Variants in AGAP1 observed in about 807,000 individuals in gnomAD.
AGAP1 encodes the protein ArfGAP with GTPase domain, ankyrin repeat and PH domain 1.
In AGAP1, 29 loss-of-function variants were observed where a neutral mutation model predicts 105.3. The ratio of observed to expected loss-of-function variants is 0.28; its 90% CI spans 0.21 to 0.38. AGAP1 has a LOEUF of 0.38. Ranked by LOEUF, AGAP1 falls within the 10% of genes least tolerant of loss-of-function variation. AGAP1 has a pLI of 1.00. For missense variants in AGAP1, 998 were observed against 1,165.1 expected, an observed-to-expected ratio of 0.86 and a Z score of 2.09; for synonymous variants, 509 against 485.9, an observed-to-expected ratio of 1.05 and a Z score of -0.63.
In AGAP1 at chr2:236,128,678, G is replaced by C. The variant is rs1303494936; in HGVS notation, c.*4556G>C. On this transcript the variant is annotated 3_prime_UTR_variant, in exon 18 of 18. Coordinates refer to ENST00000304032, the MANE Select transcript of AGAP1 (RefSeq NM_001037131.3). The surrounding 1 kb of genome is among the most constrained non-coding windows in gnomAD (Gnocchi z 5.9). Reference sequence around the variant, plus strand: ...CACCAACTCTCCCTCCCTGCACTTAGGATGTTCTGGAAATGAGAGGAAATC... The same window carrying C: ...CACCAACTCTCCCTCCCTGCACTTACGATGTTCTGGAAATGAGAGGAAATC... The C allele has an allele frequency of 6.6e-6, 1 of 152,206 alleles. No homozygotes were observed. The highest frequency in any genetic ancestry group is 1.9e-4 in the East Asian group (1 of 5,188). 9.4% of individuals were successfully genotyped at this position (152,206 alleles called of 1,614,324 possible). A position where few individuals can be genotyped will look rare whatever the true frequency, so the allele number is the denominator to read the frequency against.
Position 235,988,348 on chromosome 2 carries a change from C to A in AGAP1, c.1645+19725C>A, listed in dbSNP as rs2055411300. Among the ~76,000 whole-genome samples, 1 of 152,136 alleles carries A rather than the reference C, an allele frequency of 6.6e-6. No individual in the cohort carries two copies. The highest frequency in any genetic ancestry group is 2.1e-4 in the South Asian group (1 of 4,814). ...GTGAGCCACCGTGCCTGGCCTAAAA[C>A]TCCTTTTGATTGGTGCGTGGGTGAC... On this transcript the variant is annotated intron_variant, in intron 13 of 17. Coordinates refer to ENST00000304032, the MANE Select transcript of AGAP1 (RefSeq NM_001037131.3). This position sits in a 1 kb window ranked among gnomAD's most constrained non-coding sequence, Gnocchi z 4.7.
intron 3 of AGAP1, among the ~76,000 whole-genome samples, chr2:235,735,365 A>G (rs1477878949): frequency 2.0e-5 from 3 of 152,176 alleles, no homozygotes; most frequent in African/African-American, 4.8e-5. Context: ...AAATGACAGC[A>G]TAGATGATCT....
chr2:235,709,565 C>T (rs112422769), intron 2 of AGAP1, among the ~76,000 whole-genome samples: 1 of 151,324 alleles, frequency 6.6e-6, no homozygotes, highest in Non-Finnish European at 1.5e-5. Flanking sequence ...GTTGATTTGT[C>T]CTTTGCAGGA....
Position 235,714,346 on chromosome 2 carries a change from T to G in AGAP1, c.223-3211T>G, listed in dbSNP as rs914437672. On this transcript the variant is annotated intron_variant, in intron 2 of 17. Coordinates refer to ENST00000304032, the MANE Select transcript of AGAP1 (RefSeq NM_001037131.3). The surrounding 1 kb of genome is among the most constrained non-coding windows in gnomAD (Gnocchi z 4.1). ...TTAGGTTTCAACATATGAGTTTGGC[T>G]GGGAGTGTGGGGGTAGGACGGGGAA... is the stretch of plus-strand genomic sequence containing the variant. Among the ~76,000 whole-genome samples the G allele has an allele frequency of 2.6e-5, 4 of 151,912 alleles. No individual in the cohort carries two copies. Among genetic ancestry groups the G allele is most frequent in the African/African-American group, 7.3e-5 (3 of 41,342 alleles).
At chr2:235,969,527 A>G (rs2054553462) in intron 13 of AGAP1, among the ~76,000 whole-genome samples, 1 of 152,152 alleles carries the variant, frequency 6.6e-6, no homozygotes, top group Non-Finnish European at 1.5e-5. Context: ...CAGGGGCAAC[A>G]TTTATGGCTT....
At chr2:235,779,044 A>G (rs536747642) in intron 6 of AGAP1, among the ~76,000 whole-genome samples, 1 of 152,234 alleles carries the variant, frequency 6.6e-6, no homozygotes, top group Non-Finnish European at 1.5e-5. Flanking sequence ...CTTGGTAAAG[A>G]TCATGCAGGT....
At position 236,000,524 on chromosome 2, in the gene AGAP1, C is replaced by A. The variant is rs188555365; in HGVS notation, c.1645+31901C>A. The stretch of plus-strand genomic sequence containing the variant: ...TGAGCGTTGATGGTGGGGTGTGCAT[C>A]CCCCACCCCCCAAGCCTGTTCCTAG... On this transcript the variant is annotated intron_variant, in intron 13 of 17. Transcript: ENST00000304032. This position sits in a 1 kb window ranked among gnomAD's most constrained non-coding sequence, Gnocchi z 4.3. Among the ~76,000 whole-genome samples the A allele has an allele frequency of 1.7e-3, 257 of 152,238 alleles. 1 individual carries two copies. Among genetic ancestry groups the A allele is most frequent in the African/African-American group, 5.9e-3 (247 of 41,552 alleles).
rs939341792 is a variant in AGAP1 at position 235,744,238 on chromosome 2, G to A, written c.397-460G>A. Among the ~76,000 whole-genome samples the A allele has an allele frequency of 1.3e-5, 2 of 152,188 alleles. No homozygotes were observed. Among genetic ancestry groups the A allele is most frequent in the African/African-American group, 4.8e-5 (2 of 41,450 alleles). On this transcript the variant is annotated intron_variant, in intron 4 of 17. Transcript: ENST00000304032. The surrounding 1 kb of genome is among the most constrained non-coding windows in gnomAD (Gnocchi z 5.2). Reference sequence around the variant, plus strand: ...TGCGGTAGCGAGTGGGAAGGACTGAGGGGTGGGGAGGTTCTGAGCAGGCAT... The same window carrying A: ...TGCGGTAGCGAGTGGGAAGGACTGAAGGGTGGGGAGGTTCTGAGCAGGCAT...
At chr2:236,048,861 C>T (rs1294929397) in intron 15 of AGAP1, among the ~76,000 whole-genome samples, 198 bp from the exon 16 acceptor site, 1 of 152,246 alleles carries the variant, frequency 6.6e-6, no homozygotes, top group Non-Finnish European at 1.5e-5. Context: ...CAAATGTGTT[C>T]TGAAGCTACT....
Position 235,716,667 on chromosome 2 carries a change from G to A in AGAP1, c.223-890G>A, listed in dbSNP as rs1951122407. ...GGGAGGAAAAGGTTAAAATGCAGGA[G>A]ATTTTTGATGAGCAGCTTCCCAGAG... On this transcript the variant is annotated intron_variant, in intron 2 of 17. Transcript: ENST00000304032. The surrounding 1 kb of genome is among the most constrained non-coding windows in gnomAD (Gnocchi z 4.0). Among the ~76,000 whole-genome samples the A allele has an allele frequency of 6.6e-6, 1 of 152,102 alleles. No homozygotes were observed. The highest frequency in any genetic ancestry group is 1.5e-5 in the Non-Finnish European group (1 of 68,010).
At chr2:236,007,775 C>A (rs1004321031) in intron 13 of AGAP1, among the ~76,000 whole-genome samples, 4 of 152,246 alleles carry the variant, frequency 2.6e-5, no homozygotes, top group Non-Finnish European at 4.4e-5. Context: ...AAGGTGGCCC[C>A]TGCTCACCAG....
intron 13 of AGAP1, among the ~76,000 whole-genome samples, chr2:235,974,229 ACT>A (rs547739136): frequency 5.6e-4 from 85 of 152,256 alleles, no homozygotes; most frequent in Middle Eastern, 3.4e-3. Context: ...TCTGCCTCAA[ACT>A]CTTTCCACCA....
chr2:235,494,690 A>G lies in AGAP1; in HGVS notation c.4A>G (p.Asn2Asp). The change falls in exon 1 of 18, where the codon AAC becomes GAC. Residue 2 changes from asparagine to aspartate, a missense_variant. Transcript: ENST00000304032. M[N>D]YQQQLANSAA... ...CTCCGGGCGCGGCGCCTGCACCATG[A>G]ACTACCAGCAGCAGCTGGCCAACTC... 1 of 1,505,858 alleles carries G rather than the reference A, an allele frequency of 6.6e-7. No individual in the cohort carries two copies. Among genetic ancestry groups the G allele is most frequent in the Non-Finnish European group, 8.9e-7 (1 of 1,122,408 alleles). The allele number at this position is 1,505,858 out of a possible 1,614,324, so 93.3% of individuals were successfully genotyped here. A position where few individuals can be genotyped will look rare whatever the true frequency, so the allele number is the denominator to read the frequency against.
chr2:235,757,729 G>C (rs542995373), intron 6 of AGAP1, among the ~76,000 whole-genome samples: 2 of 152,112 alleles, frequency 1.3e-5, no homozygotes, highest in African/African-American at 4.8e-5. Flanking sequence ...AGGGAGCCTC[G>C]GTGTGCTCTT....
Position 235,741,766 on chromosome 2 carries a change from T to A in AGAP1, c.396+718T>A, listed in dbSNP as rs1403079293. 1.3e-5 allele frequency among the ~76,000 whole-genome samples: 2 copies of A among 151,292 alleles called. No individual in the cohort carries two copies. The highest frequency in any genetic ancestry group is 2.4e-5 in the African/African-American group (1 of 41,284). On this transcript the variant is annotated intron_variant, in intron 4 of 17. Transcript: ENST00000304032. The surrounding 1 kb of genome is among the most constrained non-coding windows in gnomAD (Gnocchi z 4.9). Reference sequence around the variant, plus strand: ...TTATTTTTTATTATTTATTTATTTTTTTTTTTTGAGACAGTCTCGCTCTGT... The same window carrying A: ...TTATTTTTTATTATTTATTTATTTTATTTTTTTGAGACAGTCTCGCTCTGT...
At chr2:236,079,538 A>G (rs1384602167) in intron 16 of AGAP1, among the ~76,000 whole-genome samples, 1 of 131,202 alleles carries the variant, frequency 7.6e-6, no homozygotes, top group African/African-American at 3.6e-5. Flanking sequence ...TCAAAAAAAA[A>G]AAATTATATA....
Position 236,052,454 on chromosome 2 carries a change from C to T in AGAP1, c.2114+3173C>T, listed in dbSNP as rs560775218. On this transcript the variant is annotated intron_variant, in intron 16 of 17. Transcript: ENST00000304032. ...TAGGACAGCAGGCGCCCTGGACAGC[C>T]GGCCTCTGCTGTGTCCCTGCACCCC... 7.7e-4 allele frequency among the ~76,000 whole-genome samples: 118 copies of T among 152,276 alleles called. 1 individual carries two copies. Among genetic ancestry groups the T allele is most frequent in the African/African-American group, 2.7e-3 (111 of 41,554 alleles).
intron 10 of AGAP1, among the ~76,000 whole-genome samples, chr2:235,886,110 C>T (rs2050263207): frequency 6.6e-6 from 1 of 152,176 alleles, no homozygotes; most frequent in Admixed American, 6.5e-5. Context: ...ACCAGGTCTT[C>T]CCTGGATTCT....
chr2:236,019,565 G>A (rs2056820528), intron 13 of AGAP1, among the ~76,000 whole-genome samples: 1 of 152,236 alleles, frequency 6.6e-6, no homozygotes, highest in Non-Finnish European at 1.5e-5. Flanking sequence ...CCTGGGAGAA[G>A]GGCAGGCATC....
Sources: gnomAD v4.1 joint callset for allele counts (sites outside exome capture counted in the v4.1 genomes callset) on GRCh38, gnomAD v4.1.1 for gene constraint, Gnocchi (gnomAD v3.1) non-coding constraint, MANE v1.5 for transcripts, NCBI Gene and HGNC (gene_info 2026-07-23, HGNC 2026-07-21) for gene names.